TMPRSS11E: variants seen among roughly 807,000 people sequenced by gnomAD.
The protein encoded by TMPRSS11E is transmembrane protease serine 11E.
In TMPRSS11E, 38 loss-of-function variants were observed where a neutral mutation model predicts 48.1. The ratio of observed to expected loss-of-function variants is 0.79; its 90% CI spans 0.61 to 1.04. The LOEUF is 1.04. TMPRSS11E is among the 50% of genes least tolerant of loss of function. The pLI is 0.00. For synonymous variants in TMPRSS11E, 158 were observed against 171.9 expected, an observed-to-expected ratio of 0.92 and a Z score of 0.63; for missense variants, 530 against 510.8, an observed-to-expected ratio of 1.04 and a Z score of -0.36.
chr4:68,483,322 C>G (rs558750008), intron 9 of TMPRSS11E, among the ~76,000 whole-genome samples: 1 of 152,154 alleles, frequency 6.6e-6, no homozygotes, highest in African/African-American at 2.4e-5. Flanking sequence ...CACTTGCTAT[C>G]GCAAAGACAG....
At chr4:68,479,475 A>G (rs980377383) in intron 9 of TMPRSS11E, among the ~76,000 whole-genome samples, 3 of 149,888 alleles carry the variant, frequency 2.0e-5, no homozygotes, top group East Asian at 1.9e-4. Context: ...TAAGTTATAT[A>G]TATGTGTATA....
At chr4:68,452,645 G>A (rs541903568) in intron 1 of TMPRSS11E, among the ~76,000 whole-genome samples, 1 of 151,906 alleles carries the variant, frequency 6.6e-6, no homozygotes, top group Non-Finnish European at 1.5e-5. Flanking sequence ...GATCAGAAGT[G>A]CTTCTTTGGT....
intron 9 of TMPRSS11E, among the ~76,000 whole-genome samples, chr4:68,489,080 T>C (rs1055047852): frequency 6.6e-6 from 1 of 152,218 alleles, no homozygotes; most frequent in Non-Finnish European, 1.5e-5. Context: ...GTTCTTGCAT[T>C]GGTTCTTTCT....
intron 2 of TMPRSS11E, among the ~76,000 whole-genome samples, chr4:68,463,141 A>T: frequency 6.6e-6 from 1 of 152,162 alleles, no homozygotes; most frequent in Non-Finnish European, 1.5e-5. Context: ...ATCTTCCTCT[A>T]CTATCCACGC....
At chr4:68,458,440 A>G (rs180687907) in intron 1 of TMPRSS11E, among the ~76,000 whole-genome samples, 3 of 152,338 alleles carry the variant, frequency 2.0e-5, no homozygotes, top group African/African-American at 7.2e-5. Flanking sequence ...ATATAAAGAA[A>G]GAAATTTGAT....
At chr4:68,477,218 C>G in intron 7 of TMPRSS11E, 151 bp from the exon 8 acceptor site, 1 of 769,404 alleles carries the variant, frequency 1.3e-6, no homozygotes, top group South Asian at 2.1e-5. Context: ...GGTCAGAACC[C>G]TGAGCCTTAT....
At chr4:68,451,075 A>G (rs1728485490) in intron 1 of TMPRSS11E, among the ~76,000 whole-genome samples, 1 of 151,870 alleles carries the variant, frequency 6.6e-6, no homozygotes, top group African/African-American at 2.4e-5. Context: ...TAGCACTGAG[A>G]TTTATAAGCA....
intron 9 of TMPRSS11E, among the ~76,000 whole-genome samples, chr4:68,494,005 C>A (rs983686007): frequency 2.6e-5 from 4 of 152,110 alleles, no homozygotes; most frequent in Non-Finnish European, 5.9e-5. Context: ...TGATTTCTTT[C>A]CTCCTCCTCC....
chr4:68,475,024 A>G (rs1053631985), intron 6 of TMPRSS11E, among the ~76,000 whole-genome samples: 1 of 152,186 alleles, frequency 6.6e-6, no homozygotes, highest in African/African-American at 2.4e-5. Flanking sequence ...CTGTTAAAGA[A>G]GAGGCAAGAA....
Position 68,497,029 on chromosome 4 carries a change from T to A in TMPRSS11E, c.*225T>A, listed in dbSNP as rs546200625. On this transcript the variant is annotated 3_prime_UTR_variant, in exon 10 of 10. Coordinates refer to ENST00000305363, the MANE Select transcript of TMPRSS11E (RefSeq NM_014058.4). ...TCATCTGTGAGCAATAGTTGAAACT[T>A]TATGTACATAGAGAAATAGATAATA... 2.1e-6 allele frequency: 1 copy of A among 472,778 alleles called. No individual in the cohort carries two copies. Among genetic ancestry groups the A allele is most frequent in the Admixed American group, 3.8e-5 (1 of 26,054 alleles). 29.3% of individuals were successfully genotyped at this position (472,778 alleles called of 1,614,324 possible). A position where few individuals can be genotyped will look rare whatever the true frequency, so the allele number is the denominator to read the frequency against.
chr4:68,494,564 T>C (rs1406049583), intron 9 of TMPRSS11E, among the ~76,000 whole-genome samples: 1 of 152,204 alleles, frequency 6.6e-6, no homozygotes, highest in East Asian at 1.9e-4. Flanking sequence ...CTTCTTCCAA[T>C]TTTAGAAGTT....
intron 1 of TMPRSS11E, among the ~76,000 whole-genome samples, chr4:68,453,515 A>G (rs1051193582): frequency 6.6e-6 from 1 of 151,984 alleles, no homozygotes; most frequent in Non-Finnish European, 1.5e-5. Flanking sequence ...TATTATAATT[A>G]TTAATTGTAT....
intron 4 of TMPRSS11E, 78 bp from the exon 5 acceptor site, chr4:68,471,378 TTCCC>T (rs765271050): frequency 4.4e-4 from 103 of 234,852 alleles, no homozygotes; most frequent in African/African-American, 1.3e-3. Flanking sequence ...CACTTCCTCC[TTCCC>T]TCCCTCCCTC....
chr4:68,470,847 T>A (rs1038597279), intron 4 of TMPRSS11E, among the ~76,000 whole-genome samples: 35 of 152,002 alleles, frequency 2.3e-4, no homozygotes, highest in Non-Finnish European at 4.9e-4. Flanking sequence ...GGTAAAGCGG[T>A]CTTATATCTT....
At chr4:68,474,640 G>T in intron 5 of TMPRSS11E, 83 bp from the exon 6 acceptor site, 1 of 1,260,414 alleles carries the variant, frequency 7.9e-7, no homozygotes, top group Non-Finnish European at 1.1e-6. Flanking sequence ...ATAAAATTAA[G>T]CAGCCTTTTA....
intron 2 of TMPRSS11E, among the ~76,000 whole-genome samples, chr4:68,464,583 T>A (rs768290083): frequency 6.6e-6 from 1 of 152,236 alleles, no homozygotes; most frequent in East Asian, 1.9e-4. Context: ...TGGCAGCTGG[T>A]AATATGTTTT....
intron 9 of TMPRSS11E, among the ~76,000 whole-genome samples, chr4:68,483,127 T>G (rs551938386): frequency 6.6e-6 from 1 of 152,318 alleles, no homozygotes; most frequent in South Asian, 2.1e-4. Flanking sequence ...CTCATGGCTT[T>G]TCAGACTTTA....
chr4:68,455,017 G>T (rs960022028), intron 1 of TMPRSS11E, among the ~76,000 whole-genome samples: 5 of 151,878 alleles, frequency 3.3e-5, no homozygotes, highest in Non-Finnish European at 5.9e-5. Context: ...CTACTGTACT[G>T]AATGGTAGAA....
intron 2 of TMPRSS11E, among the ~76,000 whole-genome samples, chr4:68,465,571 A>C (rs1728905298): frequency 6.6e-6 from 1 of 152,080 alleles, no homozygotes; most frequent in Admixed American, 6.6e-5. Context: ...AATGTGGATA[A>C]CATTGCCTTT....
Sources: gnomAD v4.1 joint callset for allele counts (sites outside exome capture counted in the v4.1 genomes callset) on GRCh38, gnomAD v4.1.1 for gene constraint, MANE v1.5 for transcripts, NCBI Gene and HGNC (gene_info 2026-07-23, HGNC 2026-07-21) for gene names.